CEP104: variants seen among roughly 807,000 people sequenced by gnomAD.
CEP104 encodes centrosomal protein of 104 kDa.
In CEP104, 84 loss-of-function variants were observed where a neutral mutation model predicts 113.3. That is an observed-to-expected ratio of 0.74 (90% confidence interval 0.62 to 0.89). The LOEUF is 0.89. Among genes scored for constraint, CEP104 ranks in the 40% least tolerant of loss-of-function variants. The probability of loss-of-function intolerance (pLI) is 0.00; values close to 1 mark genes in which losing one functional copy is unlikely to be tolerated. For missense variants in CEP104, 1,053 were observed against 1,156.6 expected (o/e 0.91, Z 1.30); for synonymous variants, 378 against 421.7 (o/e 0.90, Z 1.27).
rs1643901345 is a variant in CEP104, at chr1:3,817,720, CCAG to C, written c.2572-1353_2572-1351del. On this transcript the variant is annotated intron_variant, in intron 20 of 21. Coordinates refer to ENST00000378230, the MANE Select transcript of CEP104 (RefSeq NM_014704.4). ...CTCTAAGGCTCCAATTCCTCCCTCCCCAGCACAGAGGTGGCAGGTCCCTCTCCA... is the reference window on the plus strand; with the variant it reads ...CTCTAAGGCTCCAATTCCTCCCTCCCCACAGAGGTGGCAGGTCCCTCTCCA... 2.0e-5 allele frequency among the ~76,000 whole-genome samples: 3 copies of C among 152,206 alleles called. No individual in the cohort carries two copies. The South Asian group carries it at 6.2e-4, about 31-fold the overall frequency.
chr1:3,828,122 C>G (rs1299397768), intron 15 of CEP104, among the ~76,000 whole-genome samples: 1 of 152,076 alleles, frequency 6.6e-6, no homozygotes, highest in Non-Finnish European at 1.5e-5. Context: ...GGAGCCACTG[C>G]CACCAGGTCC....
chr1:3,854,476 T>C (rs1011752623), intron 1 of CEP104, among the ~76,000 whole-genome samples: 1 of 152,098 alleles, frequency 6.6e-6, no homozygotes, highest in Non-Finnish European at 1.5e-5. Context: ...TCAGCTTTTT[T>C]TCCTTTTTTG....
rs1643927459 is a variant in CEP104, at chr1:3,819,331, G to A, written c.2572-2961C>T. Among the ~76,000 whole-genome samples, 1 of 152,190 alleles carries A rather than the reference G, an allele frequency of 6.6e-6. No homozygotes were observed. The highest frequency in any genetic ancestry group is 2.4e-5 in the African/African-American group (1 of 41,448). On this transcript the variant is annotated intron_variant, in intron 20 of 21. Transcript: ENST00000378230. This position sits in a 1 kb window ranked among gnomAD's most constrained non-coding sequence, Gnocchi z 4.6. ...GCTGGAGAGGGGGCTGGGGAGAAAAGGGGCGGCATGTAGGCAGTGTTGTCT... is the reference window on the plus strand; with the variant it reads ...GCTGGAGAGGGGGCTGGGGAGAAAAAGGGCGGCATGTAGGCAGTGTTGTCT...
intron 10 of CEP104, 97 bp from the exon 11 acceptor site, chr1:3,835,189 A>C (rs1644287517): frequency 1.1e-6 from 1 of 885,798 alleles, no homozygotes; most frequent in Non-Finnish European, 1.6e-6. Context: ...AAAATGATTC[A>C]TTTCTAAGAA....
chr1:3,824,821 GGTGGGAAGGGGGCAGTGGCACC>G (rs1557663542), intron 18 of CEP104, among the ~76,000 whole-genome samples: 11 of 129,832 alleles, frequency 8.5e-5, no homozygotes, highest in Admixed American at 3.0e-4. Context: ...GCAGTGGCAC[GGTGGGAAGGGGGCAGTGGCACC>G]GTGGGAAGGG....
chr1:3,845,179 T>C, intron 5 of CEP104, 110 bp downstream of exon 5: 1 of 897,908 alleles, frequency 1.1e-6, no homozygotes, highest in Non-Finnish European at 1.8e-6. Context: ...TATTCACTAG[T>C]CAATTTTATG....
intron 7 of CEP104, 116 bp from the exon 8 acceptor site, chr1:3,839,235 G>T: frequency 1.1e-6 from 1 of 923,058 alleles, no homozygotes. Flanking sequence ...AGTGAGCACA[G>T]GGAAATGGAA....
At chr1:3,846,919 G>A (rs973074260) in intron 4 of CEP104, among the ~76,000 whole-genome samples, 4 of 152,222 alleles carry the variant, frequency 2.6e-5, no homozygotes, top group African/African-American at 9.6e-5. Context: ...AGGAAGAGAT[G>A]AAGAATTAGC....
At chr1:3,843,374 T>C in intron 6 of CEP104, 1 of 435,848 alleles carries the variant, frequency 2.3e-6, no homozygotes, top group South Asian at 3.2e-5. Context: ...AAAATATGTA[T>C]AATTTTTTTT....
In CEP104 at chr1:3,823,679, T is replaced by C. The variant is rs555566065; in HGVS notation, c.2365-117A>G. ...CAGGGAGGTCTGTGCCGCCTGCACA[T>C]GAAGTAAGCCACAGGCTTCTATCTT... On this transcript the variant is annotated intron_variant, in intron 18 of 21. Coordinates refer to ENST00000378230, the MANE Select transcript of CEP104 (RefSeq NM_014704.4). The surrounding 1 kb of genome is among the most constrained non-coding windows in gnomAD (Gnocchi z 4.1). 25 of 1,221,378 alleles carry C rather than the reference T, an allele frequency of 2.0e-5. No homozygotes were observed. The Middle Eastern group carries it at 6.6e-4, about 32-fold the overall frequency. The allele number at this position is 1,221,378 out of a possible 1,614,324, so 75.7% of individuals were successfully genotyped here.
chr1:3,856,020 A>G, intron 1 of CEP104: 1 of 851,042 alleles, frequency 1.2e-6, no homozygotes, highest in East Asian at 1.2e-4. Context: ...GTAAAAGGCA[A>G]TTAACTATAA....
intron 13 of CEP104, among the ~76,000 whole-genome samples, chr1:3,830,838 A>G (rs1644191370): frequency 6.6e-6 from 1 of 152,040 alleles, no homozygotes; most frequent in African/African-American, 2.4e-5. Context: ...TCCACAGATA[A>G]AGATCTGCAC....
rs924238130 is a variant in CEP104 at position 3,823,700 on chromosome 1, A to G, written c.2365-138T>C. On this transcript the variant is annotated intron_variant, in intron 18 of 21. Transcript: ENST00000378230. This position sits in a 1 kb window ranked among gnomAD's most constrained non-coding sequence, Gnocchi z 4.1. ...CACATGAAGTAAGCCACAGGCTTCT[A>G]TCTTCGGCATTTGCCCACAGACTGT... The G allele has an allele frequency of 1.6e-5, 16 of 1,007,012 alleles. No individual in the cohort carries two copies. In the Admixed American group the frequency reaches 3.2e-4, roughly 20 times the overall value. 62.4% of individuals were successfully genotyped at this position (1,007,012 alleles called of 1,614,324 possible).
intron 18 of CEP104, among the ~76,000 whole-genome samples, chr1:3,824,300 G>A (rs930658701): frequency 3.3e-5 from 5 of 152,144 alleles, no homozygotes; most frequent in African/African-American, 1.2e-4. Context: ...TGGTCAGGCT[G>A]GTCTTGAACT....
chr1:3,840,341 A>C (rs1033310999), intron 6 of CEP104, among the ~76,000 whole-genome samples: 9 of 152,082 alleles, frequency 5.9e-5, no homozygotes, highest in Non-Finnish European at 1.0e-4. Context: ...GGTTCAGGCG[A>C]TTCTCCTGCC....
chr1:3,841,746 G>A (rs1434595137), intron 6 of CEP104, among the ~76,000 whole-genome samples: 3 of 152,204 alleles, frequency 2.0e-5, no homozygotes, highest in Admixed American at 2.0e-4. Flanking sequence ...GGCAGGACAG[G>A]CAAACCACAG....
Position 3,848,789 on chromosome 1 carries a change from C to A in CEP104, c.114-8G>T, listed in dbSNP as rs1644557547. The A allele has an allele frequency of 5.0e-6, 8 of 1,603,788 alleles. No homozygotes were observed. Among genetic ancestry groups the A allele is most frequent in the Non-Finnish European group, 6.8e-6 (8 of 1,176,866 alleles). ...TGTGGAAACTGGCAAAATCTGAAAGCAAACACATTTTTATATTTTCTGAAC... is the reference window on the plus strand; with the variant it reads ...TGTGGAAACTGGCAAAATCTGAAAGAAAACACATTTTTATATTTTCTGAAC... On this transcript the variant is annotated splice_polypyrimidine_tract_variant and splice_region_variant and intron_variant, in intron 2 of 21. Coordinates refer to ENST00000378230, the MANE Select transcript of CEP104 (RefSeq NM_014704.4).
intron 8 of CEP104, among the ~76,000 whole-genome samples, chr1:3,838,043 T>A (rs906226737): frequency 2.0e-5 from 3 of 152,216 alleles, no homozygotes; most frequent in African/African-American, 7.2e-5. Flanking sequence ...TTTACCCCCA[T>A]TTGAAAGCTG....
At chr1:3,850,186 T>C (rs565454243) in intron 2 of CEP104, among the ~76,000 whole-genome samples, 10 of 152,354 alleles carry the variant, frequency 6.6e-5, no homozygotes, top group African/African-American at 2.4e-4. Context: ...GATTGAGTGA[T>C]GTAGGACTGT....
Sources: gnomAD v4.1 joint callset for allele counts (sites outside exome capture counted in the v4.1 genomes callset) on GRCh38, gnomAD v4.1.1 for gene constraint, Gnocchi (gnomAD v3.1) non-coding constraint, MANE v1.5 for transcripts, NCBI Gene and HGNC (gene_info 2026-07-23, HGNC 2026-07-21) for gene names.